STXBP5: variants seen among roughly 807,000 people sequenced by gnomAD.
The protein encoded by STXBP5 is syntaxin-binding protein 5.
A neutral mutation model predicts 152.4 loss-of-function variants in STXBP5; 50 were observed. The observed-to-expected ratio is 0.33, with a 90% CI of 0.26 to 0.42. The LOEUF (loss-of-function observed/expected upper bound fraction) is 0.42. Among genes scored for constraint, STXBP5 ranks in the 10% least tolerant of loss-of-function variants. STXBP5 has a pLI of 1.00. For missense variants in STXBP5, 1,167 were observed against 1,388.6 expected, an observed-to-expected ratio of 0.84 and a Z score of 2.54; for synonymous variants, 492 against 494.7, an observed-to-expected ratio of 0.99 and a Z score of 0.07.
chr6:147,258,599 A>G (rs549443937), intron 4 of STXBP5, among the ~76,000 whole-genome samples: 1 of 151,924 alleles, frequency 6.6e-6, no homozygotes, highest in Non-Finnish European at 1.5e-5. Context: ...TCGCCTGGCT[A>G]ATCTTTGTAT....
chr6:147,370,674 CTAAG>C (rs1437845324), intron 25 of STXBP5, among the ~76,000 whole-genome samples: 1 of 151,894 alleles, frequency 6.6e-6, no homozygotes, highest in African/African-American at 2.4e-5. Flanking sequence ...TTTAAAACAA[CTAAG>C]TAAGTAACTC....
At chr6:147,347,551 C>T (rs1483392916) in intron 21 of STXBP5, among the ~76,000 whole-genome samples, 1 of 152,066 alleles carries the variant, frequency 6.6e-6, no homozygotes, top group Non-Finnish European at 1.5e-5. Flanking sequence ...AGTTGTAAAA[C>T]TTATAAATGT....
intron 2 of STXBP5, among the ~76,000 whole-genome samples, chr6:147,219,258 C>G (rs1777336253): frequency 6.6e-6 from 1 of 152,058 alleles, no homozygotes; most frequent in Non-Finnish European, 1.5e-5. Context: ...ACTTGCATAC[C>G]TGGTATAAAT....
At chr6:147,305,612 G>A (rs1782049937) in intron 9 of STXBP5, among the ~76,000 whole-genome samples, 1 of 152,084 alleles carries the variant, frequency 6.6e-6, no homozygotes, top group Admixed American at 6.6e-5. Context: ...ATACCAAATA[G>A]GAGAGTGTGA....
intron 25 of STXBP5, among the ~76,000 whole-genome samples, chr6:147,368,985 A>G (rs1583005672): frequency 6.6e-6 from 1 of 151,948 alleles, no homozygotes; most frequent in Admixed American, 6.6e-5. Context: ...GGAATTGACA[A>G]ATTTATCCTA....
At chr6:147,261,933 G>A (rs1166085202) in intron 5 of STXBP5, among the ~76,000 whole-genome samples, 1 of 151,574 alleles carries the variant, frequency 6.6e-6, no homozygotes, top group Non-Finnish European at 1.5e-5. Context: ...CTAAATTGGA[G>A]GCTAGAATTC....
At chr6:147,275,717 T>C (rs1780411671) in intron 7 of STXBP5, among the ~76,000 whole-genome samples, 1 of 151,584 alleles carries the variant, frequency 6.6e-6, no homozygotes, top group Non-Finnish European at 1.5e-5. Flanking sequence ...ACCACACGCC[T>C]GGCTAATTTT....
chr6:147,321,299 T>C (rs886939759), intron 16 of STXBP5, among the ~76,000 whole-genome samples: 1 of 152,214 alleles, frequency 6.6e-6, no homozygotes, highest in Non-Finnish European at 1.5e-5. Context: ...ATAAAATGCC[T>C]TTGTTTACAA....
intron 16 of STXBP5, among the ~76,000 whole-genome samples, chr6:147,319,533 C>A (rs950385354): frequency 6.6e-6 from 1 of 152,042 alleles, no homozygotes; most frequent in African/African-American, 2.4e-5. Flanking sequence ...TGTAGACTAA[C>A]CTCATGTATA....
At chr6:147,271,819 G>A (rs1333394073) in intron 7 of STXBP5, among the ~76,000 whole-genome samples, 3 of 151,888 alleles carry the variant, frequency 2.0e-5, no homozygotes, top group Admixed American at 1.3e-4. Context: ...ATAGAGAAAA[G>A]TGATAAAATT....
chr6:147,221,655 A>G (rs1304262932), intron 2 of STXBP5, among the ~76,000 whole-genome samples: 1 of 151,408 alleles, frequency 6.6e-6, no homozygotes, highest in Admixed American at 6.6e-5. Context: ...TCTGTTGGTA[A>G]GGGGTTTTTT....
intron 9 of STXBP5, among the ~76,000 whole-genome samples, chr6:147,305,279 C>T (rs1782033080): frequency 6.6e-6 from 1 of 152,172 alleles, no homozygotes; most frequent in Admixed American, 6.5e-5. Flanking sequence ...AATTTAAATA[C>T]TTCTTGACCA....
At position 147,240,795 on chromosome 6, in the gene STXBP5, C is replaced by T. The variant is rs796575371; in HGVS notation, c.431+1525C>T. Among the ~76,000 whole-genome samples, 5 of 152,072 alleles carry T rather than the reference C, an allele frequency of 3.3e-5. 1 individual carries two copies. Among genetic ancestry groups the T allele is most frequent in the African/African-American group, 1.2e-4 (5 of 41,462 alleles). ...GACATTTCATGGAATTAGTGAGAAACGTGGTTTGGGAGAAACGAAACTTGG... is the reference window on the plus strand; with the variant it reads ...GACATTTCATGGAATTAGTGAGAAATGTGGTTTGGGAGAAACGAAACTTGG... On this transcript the variant is annotated intron_variant, in intron 4 of 27. Transcript: ENST00000321680.
chr6:147,328,605 A>T, intron 18 of STXBP5: 1 of 358,866 alleles, frequency 2.8e-6, no homozygotes, highest in South Asian at 2.2e-5. Context: ...TCATTTTGTC[A>T]TGTAATATCT....
rs151245075 is a variant in STXBP5, at chr6:147,218,515, C to G, written c.248+12447C>G. On this transcript the variant is annotated intron_variant, in intron 2 of 27. Coordinates refer to ENST00000321680, the MANE Select transcript of STXBP5 (RefSeq NM_001127715.4). ...TTTCTTTTTTAGAGACAGTCTTGCT[C>G]TGTTTCCCAGGCTGGAGTGCAGTGG... Among the ~76,000 whole-genome samples the G allele has an allele frequency of 7.9e-5, 12 of 151,918 alleles. No homozygotes were observed. The East Asian group carries it at 2.1e-3, about 27-fold the overall frequency.
In STXBP5 at chr6:147,311,597, T is replaced by A. The variant is rs924670499; in HGVS notation, c.1145+70T>A. ...AAAAAAGATGCCTTTTATCATAGCA[T>A]TAGCTATTTCATTTCTTTGAAAACT... On this transcript the variant is annotated intron_variant, in intron 11 of 27. Coordinates refer to ENST00000321680, the MANE Select transcript of STXBP5 (RefSeq NM_001127715.4). 2.1e-5 allele frequency: 25 copies of A among 1,182,546 alleles called. No individual in the cohort carries two copies. In the African/African-American group the frequency reaches 3.9e-4, roughly 18 times the overall value. The allele number at this position is 1,182,546 out of a possible 1,614,324, so 73.3% of individuals were successfully genotyped here. A position where few individuals can be genotyped will look rare whatever the true frequency, so the allele number is the denominator to read the frequency against.
intron 7 of STXBP5, among the ~76,000 whole-genome samples, chr6:147,272,062 G>A (rs1041448676): frequency 9.2e-5 from 14 of 152,054 alleles, no homozygotes; most frequent in Non-Finnish European, 1.0e-4. Context: ...AAGTACCGAC[G>A]CTCACTCTGA....
intron 8 of STXBP5, among the ~76,000 whole-genome samples, chr6:147,284,181 G>C (rs927313294): frequency 6.6e-6 from 1 of 151,870 alleles, no homozygotes; most frequent in Non-Finnish European, 1.5e-5. Flanking sequence ...TACATTTTAC[G>C]TGTCCCGCTG....
chr6:147,282,497 AAC>A (rs1411947892), intron 8 of STXBP5, among the ~76,000 whole-genome samples: 4 of 152,192 alleles, frequency 2.6e-5, no homozygotes, highest in African/African-American at 9.7e-5. Context: ...GGCAAGATTG[AAC>A]AGGATTTTTA....
Sources: allele counts gnomAD v4.1 joint callset (sites outside exome capture counted in the v4.1 genomes callset), GRCh38; gene constraint gnomAD v4.1.1; transcripts MANE v1.5; gene names NCBI Gene and HGNC (gene_info 2026-07-23, HGNC 2026-07-21).